The following APOB variants were observed in gnomAD, a reference collection of about 807,000 sequenced individuals.
APOB encodes the protein apolipoprotein B-100.
APOB carries 153 observed loss-of-function variants against 314.1 expected under a neutral mutation model. The ratio of observed to expected loss-of-function variants is 0.49; its 90% CI spans 0.43 to 0.56. The LOEUF is 0.56. Ranked by LOEUF, APOB falls within the 20% of genes least tolerant of loss-of-function variation. The pLI is 0.00. For missense variants in APOB, 5,430 were observed against 5,350.7 expected (o/e 1.01, Z -0.46); for synonymous variants, 2,087 against 2,036.4 (o/e 1.02, Z -0.67).
At position 21,010,502 on chromosome 2, in the gene APOB, A is replaced by G; in HGVS notation, c.6366T>C (p.Ala2122=). 1.9e-6 allele frequency: 3 copies of G among 1,610,178 alleles called. No homozygotes were observed. Among genetic ancestry groups the G allele is most frequent in the Non-Finnish European group, 2.5e-6 (3 of 1,177,014 alleles). Residue 2122 remains alanine, a synonymous_variant, in exon 26 of 29, where the codon GCT becomes GCC. Transcript: ENST00000233242. ...RAALGKLPQQ[A]NDYLNSFNWE... is the part of the protein sequence containing the mutation. Reference sequence around the variant, plus strand: ...AATTGAATGAATTCAGATAATCATTAGCTTGCTGTGGGAGTTTTCCCAGGG... The same window carrying G: ...AATTGAATGAATTCAGATAATCATTGGCTTGCTGTGGGAGTTTTCCCAGGG...
At chr2:21,038,379 C>T (rs755523155) in intron 4 of APOB, among the ~76,000 whole-genome samples, 4 of 151,642 alleles carry the variant, frequency 2.6e-5, no homozygotes, top group Non-Finnish European at 4.4e-5. Flanking sequence ...CTCGGTCGCC[C>T]GGGCTGGAGT....
intron 16 of APOB, chr2:21,024,633 TA>T (rs1191804543): frequency 1.5e-5 from 8 of 524,476 alleles, no homozygotes; most frequent in African/African-American, 5.9e-5. Flanking sequence ...AAAATAAAAA[TA>T]AAAATAAAAG....
Position 21,015,183 on chromosome 2 carries a change from C to A in APOB, c.3586G>T (p.Asp1196Tyr). 6.2e-7 allele frequency: 1 copy of A among 1,614,122 alleles called. No homozygotes were observed. The highest frequency in any genetic ancestry group is 8.5e-7 in the Non-Finnish European group (1 of 1,180,002). Residue 1196 changes from aspartate (D) to tyrosine (Y), a missense_variant, in exon 23 of 29, where the codon GAT (aspartate) becomes TAT (tyrosine). This residue lies in a region of APOB where 2,085 missense variants were observed against 2,079.7 expected (regional missense o/e 1.00). Coordinates refer to ENST00000233242, the MANE Select transcript of APOB (RefSeq NM_000384.3). ...TKKMTSNFPV[D>Y]LSDYPKSLHM... ...AAGCTCTTAGGATAATCGGAGAGAT[C>A]CACAGGGAAATTGGAAGTCATTTTT...
At chr2:21,013,655 T>C in intron 24 of APOB, 122 bp from the exon 25 acceptor site, 1 of 1,356,284 alleles carries the variant, frequency 7.4e-7, no homozygotes. Flanking sequence ...TGCACTTTTC[T>C]TTGTGCTACT....
chr2:21,020,510 A>G (rs1344215677), intron 18 of APOB, among the ~76,000 whole-genome samples: 1 of 152,098 alleles, frequency 6.6e-6, no homozygotes, highest in Non-Finnish European at 1.5e-5. Flanking sequence ...TTGCTCCTAC[A>G]TCCAATGGGC....
At chr2:21,028,994 T>C (rs1663813544) in intron 12 of APOB, among the ~76,000 whole-genome samples, 2 of 152,222 alleles carry the variant, frequency 1.3e-5, no homozygotes, top group Non-Finnish European at 2.9e-5. Context: ...AAATTAAGCA[T>C]GTTTTTCCAT....
Position 21,029,983 on chromosome 2 carries a change from T to C in APOB, c.1385A>G (p.Glu462Gly), listed in dbSNP as rs1558573118. Residue 462 changes from glutamate to glycine, a missense_variant, in exon 11 of 29, where the codon GAG becomes GGG. Physicochemically the swap from Glu to Gly is moderately conservative, Grantham distance 98. Transcript: ENST00000233242. ...YHKTNPTGTQ[E>G]LLDIANYLME... ...CAGGTAATTAGCAATGTCCAGCAGC[T>C]CCTGGGTCCCTGTAGGGTTTGTCTT... 2 of 1,613,864 alleles carry C rather than the reference T, an allele frequency of 1.2e-6. No individual in the cohort carries two copies. Among genetic ancestry groups the C allele is most frequent in the Middle Eastern group, 3.3e-4 (2 of 6,062 alleles).
intron 5 of APOB, among the ~76,000 whole-genome samples, chr2:21,037,462 T>G (rs1253364379): frequency 1.3e-5 from 2 of 152,184 alleles, no homozygotes; most frequent in Admixed American, 6.5e-5. Flanking sequence ...AAGGTGGGTC[T>G]GCAGAAAGGC....
Position 21,008,933 on chromosome 2 carries a change from A to G in APOB, c.7935T>C (p.Phe2645=). 1 of 1,614,106 alleles carries G rather than the reference A, an allele frequency of 6.2e-7. No homozygotes were observed. The part of the protein sequence containing the change: ...DLKNIKIPSR[F]STPEFTILNT... ...TAAGGATGGTAAATTCTGGTGTGGA[A>G]AACCTGGATGGGATTTTTATATTTT... The change falls in exon 26 of 29, where the codon TTT becomes TTC. Residue 2645 remains phenylalanine, a synonymous_variant. Coordinates refer to ENST00000233242, the MANE Select transcript of APOB (RefSeq NM_000384.3).
At chr2:21,014,235 C>T (rs12720813) in intron 24 of APOB, among the ~76,000 whole-genome samples, 2,290 of 152,296 alleles carry the variant, frequency 0.015, 57 homozygotes, top group African/African-American at 0.052. Context: ...TACCAGAATC[C>T]TCTAATGACT....
At chr2:21,034,057 T>C (rs903496780) in intron 8 of APOB, among the ~76,000 whole-genome samples, 6 of 152,224 alleles carry the variant, frequency 3.9e-5, no homozygotes, top group African/African-American at 1.4e-4. Context: ...TTTCTTCTAA[T>C]TGGGTCTACC....
At chr2:21,024,887 A>AG in intron 16 of APOB, 46 bp downstream of exon 16, 1 of 1,609,272 alleles carries the variant, frequency 6.2e-7, no homozygotes, top group Non-Finnish European at 8.5e-7. Context: ...CTAAAAAAAA[A>AG]CCAACGTCTG....
chr2:21,030,046 G>T (rs1214480490), intron 10 of APOB, 31 bp from the exon 11 acceptor site: 2 of 1,397,296 alleles, frequency 1.4e-6, no homozygotes, highest in East Asian at 2.3e-5. Flanking sequence ...GTCAGGACTT[G>T]GTAACCCCAG....
Position 21,012,187 on chromosome 2 carries a change from G to A in APOB, c.4681C>T (p.Leu1561=), listed in dbSNP as rs1663343639. The change falls in exon 26 of 29, where the codon CTA becomes TTA. Residue 1561 remains leucine, a synonymous_variant. Coordinates refer to ENST00000233242, the MANE Select transcript of APOB (RefSeq NM_000384.3). ...GTCAGCTCGTAGTTCTCATACTTTAGGGAAGCAGTATTTTTAATGATGCCA... is the reference window on the plus strand; with the variant it reads ...GTCAGCTCGTAGTTCTCATACTTTAAGGAAGCAGTATTTTTAATGATGCCA... ...QSGIIKNTAS[L]KYENYELTLK... 1.2e-6 allele frequency: 2 copies of A among 1,602,150 alleles called. No individual in the cohort carries two copies. Among genetic ancestry groups the A allele is most frequent in the Middle Eastern group, 3.3e-4 (2 of 5,996 alleles).
intron 23 of APOB, 47 bp downstream of exon 23, chr2:21,015,026 T>C (rs1387982633): frequency 1.3e-6 from 2 of 1,544,876 alleles, no homozygotes; most frequent in Admixed American, 3.3e-5. Flanking sequence ...GAGGATGTAA[T>C]TAGCACTTAT....
At chr2:21,025,176 C>T in intron 15 of APOB, 52 bp from the exon 16 acceptor site, 1 of 1,568,556 alleles carries the variant, frequency 6.4e-7, no homozygotes, top group Non-Finnish European at 8.7e-7. Flanking sequence ...TGTCAAACAC[C>T]TTTCAGTTCC....
chr2:21,027,838 T>C lies in APOB; in HGVS notation c.2057A>G (p.Asp686Gly). Residue 686 changes from aspartate (D) to glycine (G), a missense_variant, in exon 14 of 29, where the codon GAC becomes GGC. By Grantham distance (94) the Asp-to-Gly change is moderately conservative. Around this residue, in one of 3 missense-constraint regions of APOB, gnomAD observed 2,085 missense variants for 2,079.7 expected, o/e 1.00. Transcript: ENST00000233242. ...TLTAFGFASA[D>G]LIEIGLEGKG... ...ACTCTTCACACTTACCTCGATGAGG[T>C]CAGCTGAAGCAAATCCAAAGGCAGT... 1.2e-6 allele frequency: 2 copies of C among 1,612,812 alleles called. No individual in the cohort carries two copies. The highest frequency in any genetic ancestry group is 1.1e-5 in the South Asian group (1 of 91,042).
At position 21,013,321 on chromosome 2, in the gene APOB, A is replaced by G; in HGVS notation, c.4055T>C (p.Leu1352Pro). 2 of 1,614,238 alleles carry G rather than the reference A, an allele frequency of 1.2e-6. No homozygotes were observed. Among genetic ancestry groups the G allele is most frequent in the Non-Finnish European group, 1.7e-6 (2 of 1,180,046 alleles). The stretch of plus-strand genomic sequence containing the variant: ...CGTGGAGAGGTCTAGAACACCCAGG[A>G]GAGGCACTTGCAGTTGATACAACTT... ...IPKLYQLQVP[L>P]LGVLDLSTNV... The change falls in exon 25 of 29, where the codon CTC becomes CCC. Residue 1352 changes from leucine (L) to proline (P), a missense_variant. Coordinates refer to ENST00000233242, the MANE Select transcript of APOB (RefSeq NM_000384.3).
chr2:21,006,761 T>C lies in APOB; in HGVS notation c.10107A>G (p.Ser3369=). The C allele has an allele frequency of 1.2e-6, 2 of 1,614,044 alleles. No individual in the cohort carries two copies. Among genetic ancestry groups the C allele is most frequent in the Non-Finnish European group, 1.7e-6 (2 of 1,179,950 alleles). Residue 3369 remains serine, a synonymous_variant, in exon 26 of 29, where the codon TCA becomes TCG. Transcript: ENST00000233242. ...GCAGTGCATCAATGACAGATGAAGATGAAGAAAGGAGATGAGCAACAATAT... is the reference window on the plus strand; with the variant it reads ...GCAGTGCATCAATGACAGATGAAGACGAAGAAAGGAGATGAGCAACAATAT... ...QSDIVAHLLS[S]SSSVIDALQY...
Sources: allele counts gnomAD v4.1 joint callset (sites outside exome capture counted in the v4.1 genomes callset), GRCh38; gene constraint gnomAD v4.1.1; regional missense constraint gnomAD v4.1.1; transcripts MANE v1.5; gene names NCBI Gene and HGNC (gene_info 2026-07-23, HGNC 2026-07-21).